The following KCNH7 variants were observed in gnomAD, a reference collection of about 807,000 sequenced individuals.
The protein encoded by KCNH7 is potassium voltage-gated channel subfamily H member 7, also known as voltage-gated inwardly rectifying potassium channel KCNH7.
In KCNH7, 49 loss-of-function variants were observed where a neutral mutation model predicts 120.8. The observed-to-expected ratio is 0.41, with a 90% confidence interval of 0.32 to 0.51. KCNH7 has a LOEUF of 0.51. Among genes scored for constraint, KCNH7 ranks in the 20% least tolerant of loss-of-function variants. The pLI, the probability that KCNH7 is intolerant of heterozygous loss-of-function variation, is 0.38. For synonymous variants in KCNH7, 547 were observed against 516.1 expected, an observed-to-expected ratio of 1.06 and a Z score of -0.81; for missense variants, 1,097 against 1,446.6, an observed-to-expected ratio of 0.76 and a Z score of 3.92.
At chr2:162,780,564 T>A (rs970151363) in intron 2 of KCNH7, among the ~76,000 whole-genome samples, 1 of 152,174 alleles carries the variant, frequency 6.6e-6, no homozygotes, top group Admixed American at 6.6e-5. Context: ...CCCTACGTTT[T>A]GTGACAATGT....
chr2:162,520,155 CTTTT>C (rs397873711), intron 3 of KCNH7, among the ~76,000 whole-genome samples: 1 of 89,900 alleles, frequency 1.1e-5, no homozygotes, highest in Admixed American at 1.3e-4. Flanking sequence ...CAAGCCCAGG[CTTTT>C]TTTTTTTTTT....
At chr2:162,777,073 C>G (rs1023483715) in intron 2 of KCNH7, among the ~76,000 whole-genome samples, 2 of 152,086 alleles carry the variant, frequency 1.3e-5, no homozygotes, top group Non-Finnish European at 2.9e-5. Flanking sequence ...AATAGAAACT[C>G]TGAGAGAAGT....
intron 2 of KCNH7, among the ~76,000 whole-genome samples, chr2:162,804,559 CAAGT>C (rs1353939836): frequency 3.3e-5 from 5 of 151,830 alleles, no homozygotes; most frequent in African/African-American, 1.2e-4. Flanking sequence ...AAGATCTGTA[CAAGT>C]AGAACTACAA....
intron 3 of KCNH7, among the ~76,000 whole-genome samples, chr2:162,532,854 C>A (rs919154468): frequency 6.6e-6 from 1 of 151,892 alleles, no homozygotes; most frequent in African/African-American, 2.4e-5. Context: ...GAGTACCTTA[C>A]TGGTAACAGA....
At chr2:162,514,605 G>T (rs1488745294) in intron 4 of KCNH7, among the ~76,000 whole-genome samples, 1 of 151,644 alleles carries the variant, frequency 6.6e-6, no homozygotes, top group Non-Finnish European at 1.5e-5. Context: ...GTAGCAGTTT[G>T]GCAGAGTAAT....
intron 2 of KCNH7, among the ~76,000 whole-genome samples, chr2:162,624,526 G>C (rs770471890): frequency 1.1e-4 from 16 of 152,098 alleles, no homozygotes; most frequent in Non-Finnish European, 1.8e-4. Flanking sequence ...TGTAAACCTG[G>C]TCTGCTGTCA....
At position 162,373,295 on chromosome 2, in the gene KCNH7, G is replaced by A. The variant is rs544625975; in HGVS notation, c.3324+175C>T. ...ACTTTAAATGAACATAAAAATCAGCGTGGGCTTGTTTAAAATGCAGATTAC... is the reference window on the plus strand; with the variant it reads ...ACTTTAAATGAACATAAAAATCAGCATGGGCTTGTTTAAAATGCAGATTAC... On this transcript the variant is annotated intron_variant, in intron 15 of 15. Transcript: ENST00000332142. Among the ~76,000 whole-genome samples the A allele has an allele frequency of 1.6e-3, 241 of 152,226 alleles. 2 individuals carry two copies. The highest frequency in any genetic ancestry group is 5.4e-3 in the African/African-American group (225 of 41,534).
intron 2 of KCNH7, among the ~76,000 whole-genome samples, chr2:162,826,038 T>A (rs945766982): frequency 6.6e-6 from 1 of 152,096 alleles, no homozygotes; most frequent in Non-Finnish European, 1.5e-5. Context: ...GAGATATAAG[T>A]CCTTGTTGAA....
At chr2:162,809,374 A>G (rs569828749) in intron 2 of KCNH7, among the ~76,000 whole-genome samples, 30 of 152,338 alleles carry the variant, frequency 2.0e-4, no homozygotes, top group African/African-American at 3.4e-4. Context: ...TATTCAGAAG[A>G]TGCCATTTTT....
In KCNH7 at chr2:162,603,237, C is replaced by T. The variant is rs572460299; in HGVS notation, c.308-66157G>A. 2.7e-3 allele frequency among the ~76,000 whole-genome samples: 407 copies of T among 151,710 alleles called. 4 individuals are homozygous for T. The highest frequency in any genetic ancestry group is 9.6e-3 in the African/African-American group (398 of 41,386). On this transcript the variant is annotated intron_variant, in intron 2 of 15. Coordinates refer to ENST00000332142, the MANE Select transcript of KCNH7 (RefSeq NM_033272.4). ...CATGTATGCCAGATTATAATTAGAC[C>T]TTGAGATATATAGATTGCAAGAAGA...
intron 2 of KCNH7, among the ~76,000 whole-genome samples, chr2:162,557,500 A>T (rs1005929833): frequency 6.6e-6 from 1 of 152,226 alleles, no homozygotes; most frequent in African/African-American, 2.4e-5. Context: ...TTGATGGAGC[A>T]GTGGCAAAAG....
At chr2:162,477,777 C>T (rs936983448) in intron 6 of KCNH7, among the ~76,000 whole-genome samples, 1 of 152,014 alleles carries the variant, frequency 6.6e-6, no homozygotes, top group African/African-American at 2.4e-5. Flanking sequence ...TCTTCAAATG[C>T]GTGCCTACAT....
At chr2:162,567,106 A>G (rs943954596) in intron 2 of KCNH7, among the ~76,000 whole-genome samples, 3 of 152,054 alleles carry the variant, frequency 2.0e-5, no homozygotes, top group Admixed American at 6.6e-5. Context: ...GTTTTCTCCA[A>G]AGACAATATT....
intron 2 of KCNH7, among the ~76,000 whole-genome samples, chr2:162,820,875 A>C (rs539700733): frequency 1.2e-4 from 18 of 152,206 alleles, no homozygotes; most frequent in Non-Finnish European, 2.1e-4. Flanking sequence ...AATACATGAG[A>C]ACTAATGAAT....
At chr2:162,375,595 T>A (rs1686136965) in intron 14 of KCNH7, among the ~76,000 whole-genome samples, 1 of 152,086 alleles carries the variant, frequency 6.6e-6, no homozygotes, top group African/African-American at 2.4e-5. Flanking sequence ...TAGGGTTGTA[T>A]TTCAGTGTTT....
chr2:162,791,890 C>A (rs1296335793), intron 2 of KCNH7, among the ~76,000 whole-genome samples: 1 of 151,956 alleles, frequency 6.6e-6, no homozygotes, highest in Non-Finnish European at 1.5e-5. Context: ...CAGTTTTTGC[C>A]CATTCAGTAT....
intron 3 of KCNH7, among the ~76,000 whole-genome samples, chr2:162,530,863 G>A (rs1260397556): frequency 6.6e-6 from 1 of 151,866 alleles, no homozygotes. Flanking sequence ...ATATGAAGTC[G>A]AAATTGAGTA....
chr2:162,398,104 T>C (rs371730563), intron 10 of KCNH7, among the ~76,000 whole-genome samples: 1 of 152,022 alleles, frequency 6.6e-6, no homozygotes, highest in African/African-American at 2.4e-5. Flanking sequence ...CATACTGATA[T>C]ATTACTTGAT....
intron 2 of KCNH7, among the ~76,000 whole-genome samples, chr2:162,580,538 C>T (rs1256641237): frequency 6.6e-6 from 1 of 152,040 alleles, no homozygotes; most frequent in Non-Finnish European, 1.5e-5. Flanking sequence ...GCATTCAAGT[C>T]AATTTAATTC....
Sources: allele counts gnomAD v4.1 joint callset (sites outside exome capture counted in the v4.1 genomes callset), GRCh38; gene constraint gnomAD v4.1.1; transcripts MANE v1.5; gene names NCBI Gene and HGNC (gene_info 2026-07-23, HGNC 2026-07-21).